The following CD5 variants were observed in gnomAD, a reference collection of about 807,000 sequenced individuals.
The protein encoded by CD5 is T-cell surface glycoprotein CD5.
A neutral mutation model predicts 60.3 loss-of-function variants in CD5; 36 were observed. The ratio of observed to expected loss-of-function variants is 0.60; its 90% confidence interval spans 0.46 to 0.79. The LOEUF (loss-of-function observed/expected upper bound fraction) is 0.79, where lower values mean the gene tolerates loss of function less well. Among genes scored for constraint, CD5 ranks in the 30% least tolerant of loss-of-function variants. The probability of loss-of-function intolerance (pLI) is 0.00; values close to 1 mark genes in which losing one functional copy is unlikely to be tolerated. For synonymous variants in CD5, 230 were observed against 257.6 expected, an observed-to-expected ratio of 0.89 and a Z score of 1.03; for missense variants, 540 against 630.6, an observed-to-expected ratio of 0.86 and a Z score of 1.54.
At chr11:61,112,976 G>T (rs933887016) in intron 1 of CD5, among the ~76,000 whole-genome samples, 3 of 152,172 alleles carry the variant, frequency 2.0e-5, no homozygotes, top group Non-Finnish European at 4.4e-5. Flanking sequence ...GTCTTGCTAT[G>T]TTGTCCAGGC....
upstream of CD5, among the ~76,000 whole-genome samples, chr11:61,102,234 C>A (rs1051691357): frequency 6.6e-6 from 1 of 152,234 alleles, no homozygotes; most frequent in Non-Finnish European, 1.5e-5. Flanking sequence ...GGGTCCCCAC[C>A]CCCTGCAGCC....
At chr11:61,112,726 G>A (rs1860875300) in intron 1 of CD5, among the ~76,000 whole-genome samples, 1 of 152,110 alleles carries the variant, frequency 6.6e-6, no homozygotes, top group African/African-American at 2.4e-5. Context: ...ACACTTCCCT[G>A]TTGGTGAGAA....
chr11:61,118,105 G>A lies in CD5; in HGVS notation c.95-70G>A, dbSNP rs1320319261. 2.0e-6 allele frequency: 3 copies of A among 1,502,180 alleles called. No individual in the cohort carries two copies. Among genetic ancestry groups the A allele is most frequent in the Non-Finnish European group, 2.7e-6 (3 of 1,096,774 alleles). The allele number at this position is 1,502,180 out of a possible 1,614,324, so 93.1% of individuals were successfully genotyped here. Reference sequence around the variant, plus strand: ...GGAGCTCAACTGGGCGTCCTAGGGAGAGGGCAGTGAGGGGTGCCAGTGGGG... The same window carrying A: ...GGAGCTCAACTGGGCGTCCTAGGGAAAGGGCAGTGAGGGGTGCCAGTGGGG... On this transcript the variant is annotated intron_variant, in intron 2 of 10. Transcript: ENST00000347785. The surrounding 1 kb of genome is among the most constrained non-coding windows in gnomAD (Gnocchi z 4.7).
intron 1 of CD5, among the ~76,000 whole-genome samples, chr11:61,103,983 G>A (rs1860742068): frequency 6.8e-6 from 1 of 147,220 alleles, no homozygotes; most frequent in Non-Finnish European, 1.5e-5. Flanking sequence ...GGGGGAAAGT[G>A]TGAGTCTGTG....
chr11:61,121,908 A>AGTTG lies in CD5; in HGVS notation c.1099+6_1099+9dup. ...TGCAAGAAGGTGTTTGTCACATGTGAGTTGGCCACAGCCCACAGTGGGTGG... is the reference window on the plus strand; with the variant it reads ...TGCAAGAAGGTGTTTGTCACATGTGAGTTGGTTGGCCACAGCCCACAGTGGGTGG... On this transcript the variant is annotated splice_donor_region_variant and intron_variant, in intron 6 of 10. Coordinates refer to ENST00000347785, the MANE Select transcript of CD5 (RefSeq NM_014207.4). 1 of 1,528,520 alleles carries AGTTG rather than the reference A, an allele frequency of 6.5e-7. No homozygotes were observed. The highest frequency in any genetic ancestry group is 1.4e-5 in the African/African-American group (1 of 72,976). The allele number at this position is 1,528,520 out of a possible 1,614,324, so 94.7% of individuals were successfully genotyped here.
At chr11:61,107,791 G>A (rs1860797516) in intron 1 of CD5, among the ~76,000 whole-genome samples, 1 of 152,130 alleles carries the variant, frequency 6.6e-6, no homozygotes, top group Admixed American at 6.6e-5. Context: ...ACTCCTCTCC[G>A]GGGGACAGAT....
At chr11:61,123,759 CCCTGCCCTCAGCTGCA>C in intron 7 of CD5, 109 bp from the exon 8 acceptor site, 2 of 742,992 alleles carry the variant, frequency 2.7e-6, no homozygotes. Flanking sequence ...AGCCCAGCAG[CCCTGCCCTCAGCTGCA>C]CCTGCCGCCA....
At chr11:61,115,612 A>C (rs1008874627) in intron 2 of CD5, among the ~76,000 whole-genome samples, 1 of 152,230 alleles carries the variant, frequency 6.6e-6, no homozygotes, top group African/African-American at 2.4e-5. Flanking sequence ...CTGAAGACTG[A>C]CAGTGTACAC....
chr11:61,095,032 A>C, the CD5 span, among the ~76,000 whole-genome samples: 1 of 152,198 alleles, frequency 6.6e-6, no homozygotes. Context: ...GCAAAGGGAC[A>C]GTTAGTTAAG....
chr11:61,118,352 GCCTTGGCC>G lies in CD5; in HGVS notation c.277_284del (p.Gly93ProfsTer28), dbSNP rs1413429785. The stretch of plus-strand genomic sequence containing the variant: ...CGGCTGAACTGTGGGGTGCCCTTAA[GCCTTGGCC>G]CCTTCCTTGTCACCTACACACCTCA... On this transcript the variant is annotated frameshift_variant, in exon 3 of 11. Transcript: ENST00000347785. LOFTEE classifies it high-confidence loss of function. This position sits in a 1 kb window ranked among gnomAD's most constrained non-coding sequence, Gnocchi z 4.7. The G allele has an allele frequency of 1.9e-6, 3 of 1,614,262 alleles. No homozygotes were observed. Among genetic ancestry groups the G allele is most frequent in the Non-Finnish European group, 2.5e-6 (3 of 1,180,044 alleles).
upstream of CD5, among the ~76,000 whole-genome samples, chr11:61,101,361 G>A (rs1860681456): frequency 1.1e-5 from 1 of 93,024 alleles, no homozygotes; most frequent in South Asian, 5.1e-4. Flanking sequence ...TCAACATGGA[G>A]ATCACACACA....
chr11:61,118,948 C>G lies in CD5; in HGVS notation c.434C>G (p.Pro145Arg). The G allele has an allele frequency of 6.2e-7, 1 of 1,613,878 alleles. No individual in the cohort carries two copies. The highest frequency in any genetic ancestry group is 8.5e-7 in the Non-Finnish European group (1 of 1,179,878). ...AAGACAACACCTCCAACGACAAGGCCCCCGCCCACCACAACTCCAGAGCCC... is the reference window on the plus strand; with the variant it reads ...AAGACAACACCTCCAACGACAAGGCGCCCGCCCACCACAACTCCAGAGCCC... ...PQKTTPPTTR[P>R]PPTTTPEPTA... The change falls in exon 4 of 11, where the codon CCC becomes CGC. Residue 145 changes from proline (P) to arginine (R), a missense_variant. Transcript: ENST00000347785. The surrounding 1 kb of genome is among the most constrained non-coding windows in gnomAD (Gnocchi z 4.7).
intron 8 of CD5, 86 bp downstream of exon 8, chr11:61,124,023 C>T (rs1455020773): frequency 1.1e-5 from 12 of 1,088,624 alleles, no homozygotes; most frequent in South Asian, 6.4e-5. Context: ...TGACCACAGA[C>T]GGAGCCTGTG....
At position 61,118,184 on chromosome 11, in the gene CD5, C is replaced by A; in HGVS notation, c.104C>A (p.Ala35Glu). 2 of 1,612,646 alleles carry A rather than the reference C, an allele frequency of 1.2e-6. No individual in the cohort carries two copies. Among genetic ancestry groups the A allele is most frequent in the Non-Finnish European group, 1.7e-6 (2 of 1,178,708 alleles). The change falls in exon 3 of 11, where the codon GCA becomes GAA. Residue 35 changes from alanine to glutamate, a missense_variant. Transcript: ENST00000347785. The surrounding 1 kb of genome is among the most constrained non-coding windows in gnomAD (Gnocchi z 4.7). Reference sequence around the variant, plus strand: ...CCTTTCTGACCCCCAGATTTCCAGGCAAGGCTCACCCGTTCCAACTCGAAG... The same window carrying A: ...CCTTTCTGACCCCCAGATTTCCAGGAAAGGCTCACCCGTTCCAACTCGAAG... Reference protein sequence around the residue: ...RLSWYDPDFQARLTRSNSKCQ... With the variant: ...RLSWYDPDFQERLTRSNSKCQ...
At chr11:61,106,123 TCAAAA>T (rs1860774288) in intron 1 of CD5, among the ~76,000 whole-genome samples, 1 of 20,712 alleles carries the variant, frequency 4.8e-5, no homozygotes, top group African/African-American at 3.2e-4. Flanking sequence ...AGACTCCATC[TCAAAA>T]AAAAAAAAAA....
At chr11:61,097,994 G>A (rs756721642), upstream of CD5, among the ~76,000 whole-genome samples, 2 of 152,178 alleles carry the variant, frequency 1.3e-5, no homozygotes, top group African/African-American at 4.8e-5. Context: ...GGGTCTATGG[G>A]AAATTTAACC....
intron 10 of CD5, 38 bp downstream of exon 10, chr11:61,125,879 T>A (rs762219482): frequency 6.9e-7 from 1 of 1,448,506 alleles, no homozygotes; most frequent in Non-Finnish European, 9.5e-7. Context: ...CACCCCAGGG[T>A]CCCCCACAGT....
chr11:61,100,982 A>G (rs1860671662), upstream of CD5, among the ~76,000 whole-genome samples: 1 of 132,984 alleles, frequency 7.5e-6, no homozygotes, highest in Non-Finnish European at 1.6e-5. Context: ...ATTCACACAC[A>G]TCAACATGGA....
At chr11:61,097,670 C>T (rs955682134), upstream of CD5, among the ~76,000 whole-genome samples, 1 of 152,102 alleles carries the variant, frequency 6.6e-6, no homozygotes, top group African/African-American at 2.4e-5. Context: ...CAGGTGAACT[C>T]CTGGGCTTCC....
Sources: allele counts gnomAD v4.1 joint callset (sites outside exome capture counted in the v4.1 genomes callset), GRCh38; gene constraint gnomAD v4.1.1; non-coding constraint Gnocchi (gnomAD v3.1); transcripts MANE v1.5; gene names NCBI Gene and HGNC (gene_info 2026-07-23, HGNC 2026-07-21).